Variants in KIFAP3 observed in about 807,000 individuals in gnomAD.
KIFAP3 encodes kinesin associated protein 3.
In KIFAP3, 68 loss-of-function variants were observed where a neutral mutation model predicts 106.5. The observed-to-expected ratio is 0.64, with a 90% CI of 0.53 to 0.78. KIFAP3 has a LOEUF of 0.78. Ranked by LOEUF, KIFAP3 falls within the 30% of genes least tolerant of loss-of-function variation. KIFAP3 has a pLI of 0.00. For synonymous variants in KIFAP3, 320 were observed against 311.5 expected (o/e 1.03, Z -0.29); for missense variants, 780 against 941.8 (o/e 0.83, Z 2.25).
At chr1:170,060,372 C>T (rs1456077758) in intron 1 of KIFAP3, among the ~76,000 whole-genome samples, 1 of 152,144 alleles carries the variant, frequency 6.6e-6, no homozygotes, top group African/African-American at 2.4e-5. Flanking sequence ...CAATAACAGA[C>T]AAACAGAGAG....
intron 18 of KIFAP3, among the ~76,000 whole-genome samples, chr1:169,960,680 AATG>A (rs1665278084): frequency 6.6e-6 from 1 of 152,182 alleles, no homozygotes; most frequent in Admixed American, 6.6e-5. Flanking sequence ...TTGGAAAACA[AATG>A]ATGAATAAAT....
chr1:170,009,196 A>G (rs1668121631), intron 10 of KIFAP3, among the ~76,000 whole-genome samples: 1 of 152,140 alleles, frequency 6.6e-6, no homozygotes, highest in African/African-American at 2.4e-5. Flanking sequence ...TGGCACATGT[A>G]TACCTATGTA....
chr1:170,003,992 G>A (rs562707131), intron 10 of KIFAP3, among the ~76,000 whole-genome samples: 5 of 152,122 alleles, frequency 3.3e-5, no homozygotes, highest in Admixed American at 2.0e-4. Context: ...TCCTTAAGCT[G>A]ATAAGCAACT....
chr1:170,039,362 T>TCTAGGTAACTCTGGG, intron 3 of KIFAP3, 74 bp from the exon 4 acceptor site: 1 of 758,190 alleles, frequency 1.3e-6, no homozygotes, highest in Non-Finnish European at 2.2e-6. Context: ...TTTCAGCAGC[T>TCTAGGTAACTCTGGG]GAGTTTAACT....
intron 8 of KIFAP3, among the ~76,000 whole-genome samples, chr1:170,031,356 A>G (rs1431560501): frequency 6.6e-6 from 1 of 151,776 alleles, no homozygotes; most frequent in Non-Finnish European, 1.5e-5. Context: ...CAAATAGTCA[A>G]GTATAAATCC....
intron 10 of KIFAP3, among the ~76,000 whole-genome samples, chr1:170,002,235 C>G (rs1259441544): frequency 6.6e-6 from 1 of 152,076 alleles, no homozygotes; most frequent in Non-Finnish European, 1.5e-5. Context: ...TGCCCCAAAC[C>G]CATATTACCT....
intron 19 of KIFAP3, among the ~76,000 whole-genome samples, chr1:169,924,741 C>T (rs1027596082): frequency 1.3e-5 from 2 of 152,192 alleles, no homozygotes; most frequent in African/African-American, 4.8e-5. Flanking sequence ...GAAAAGGATA[C>T]AGCCTTGCTA....
chr1:170,073,707 C>CTT (rs533948925), intron 1 of KIFAP3, among the ~76,000 whole-genome samples: 2 of 146,952 alleles, frequency 1.4e-5, no homozygotes, highest in African/African-American at 5.0e-5. Context: ...TGGGAGGTAT[C>CTT]TTTTTTTTTT....
intron 9 of KIFAP3, among the ~76,000 whole-genome samples, chr1:170,022,194 C>T (rs1210619996): frequency 6.6e-6 from 1 of 151,946 alleles, no homozygotes; most frequent in Non-Finnish European, 1.5e-5. Flanking sequence ...GATGATCGAT[C>T]TGCCTTGGCC....
chr1:170,035,486 T>C lies in KIFAP3; in HGVS notation c.585A>G (p.Thr195=). ...AACAAAAAAAGATGTAAATTATGTT[T>C]GTAGCTAACTCGACACTTTGCTTCC... ...EDWKQSVELA[T]NIIYIFFCFS... The change falls in exon 6 of 20, where the codon ACA becomes ACG. Residue 195 remains threonine (T), a synonymous_variant. Transcript: ENST00000361580. 6.2e-7 allele frequency: 1 copy of C among 1,609,552 alleles called. No individual in the cohort carries two copies. The highest frequency in any genetic ancestry group is 1.3e-5 in the African/African-American group (1 of 74,758).
In KIFAP3 at chr1:169,939,286, T is replaced by G. The variant is rs116587625; in HGVS notation, c.2273+14725A>C. Reference sequence around the variant, plus strand: ...GAAATGAAATGAAAACAACAGGGCATGCAGATGGTTTGCAGTGGAGAGAGA... The same window carrying G: ...GAAATGAAATGAAAACAACAGGGCAGGCAGATGGTTTGCAGTGGAGAGAGA... On this transcript the variant is annotated intron_variant, in intron 19 of 19. Coordinates refer to ENST00000361580, the MANE Select transcript of KIFAP3 (RefSeq NM_014970.4). Among the ~76,000 whole-genome samples, 1,035 of 152,240 alleles carry G rather than the reference T, an allele frequency of 6.8e-3. 12 individuals are homozygous for G. Among genetic ancestry groups the G allele is most frequent in the African/African-American group, 0.024 (983 of 41,564 alleles).
At position 169,980,373 on chromosome 1, in the gene KIFAP3, T is replaced by C. The variant is rs372179004; in HGVS notation, c.1798+1599A>G. 5.9e-5 allele frequency among the ~76,000 whole-genome samples: 9 copies of C among 152,280 alleles called. No homozygotes were observed. In the East Asian group the frequency reaches 1.7e-3, roughly 29 times the overall value. On this transcript the variant is annotated intron_variant, in intron 15 of 19. Transcript: ENST00000361580. ...ATTAGCATTTTTAACTTCTATACTA[T>C]TCGCTAGTTATGATGTGTAAGATCC...
chr1:169,978,214 A>C, intron 15 of KIFAP3, 31 bp from the exon 16 acceptor site: 1 of 1,390,848 alleles, frequency 7.2e-7, no homozygotes, highest in Non-Finnish European at 1.0e-6. Flanking sequence ...CAAATAAAGA[A>C]TACTATGTTT....
In KIFAP3 at chr1:169,945,182, C is replaced by T. The variant is rs371560164; in HGVS notation, c.2273+8829G>A. ...TGGTGTGTCAGTACCGCCCCAAGTG[C>T]AGGCACACCCAGCCAGGTCATGACA... On this transcript the variant is annotated intron_variant, in intron 19 of 19. Transcript: ENST00000361580. Among the ~76,000 whole-genome samples the T allele has an allele frequency of 3.0e-4, 46 of 152,224 alleles. No homozygotes were observed. In the East Asian group the frequency reaches 8.5e-3, roughly 28 times the overall value.
rs200643889 is a variant in KIFAP3 at position 169,954,075 on chromosome 1, C to G, written c.2209G>C (p.Asp737His). The change falls in exon 19 of 20, where the codon GAT becomes CAT. Residue 737 changes from aspartate to histidine, a missense_variant. By Grantham distance (81) the Asp-to-His change is moderately conservative. Transcript: ENST00000361580. ...TGAAGGTGGTAATCATTGAAGAAAT[C>G]GGGACTTATGGCTCCTTCAGAGGCA... ...LIASEGAISP[D>H]FFNDYHLQNG... 6.2e-7 allele frequency: 1 copy of G among 1,612,778 alleles called. No individual in the cohort carries two copies. The highest frequency in any genetic ancestry group is 2.2e-5 in the East Asian group (1 of 44,830).
chr1:170,042,370 G>C (rs1670024198), intron 3 of KIFAP3, among the ~76,000 whole-genome samples: 1 of 152,098 alleles, frequency 6.6e-6, no homozygotes, highest in Non-Finnish European at 1.5e-5. Flanking sequence ...CTGGCAACAG[G>C]GTAGTAAGAA....
intron 10 of KIFAP3, among the ~76,000 whole-genome samples, chr1:170,004,781 C>T (rs1667856845): frequency 1.3e-5 from 2 of 151,016 alleles, no homozygotes; most frequent in Admixed American, 1.3e-4. Context: ...CAATACCATT[C>T]AGGACATAGG....
intron 8 of KIFAP3, among the ~76,000 whole-genome samples, chr1:170,029,318 A>T (rs1196890089): frequency 6.6e-6 from 1 of 152,128 alleles, no homozygotes; most frequent in Admixed American, 6.5e-5. Context: ...CTCTCTCAAT[A>T]ATAGAAAAAG....
intron 1 of KIFAP3, among the ~76,000 whole-genome samples, chr1:170,069,625 T>A (rs920456367): frequency 7.2e-5 from 11 of 152,112 alleles, no homozygotes. Flanking sequence ...CTTTTCATGA[T>A]AAAAGTACTT....
Sources: allele counts gnomAD v4.1 joint callset (sites outside exome capture counted in the v4.1 genomes callset), GRCh38; gene constraint gnomAD v4.1.1; transcripts MANE v1.5; gene names NCBI Gene and HGNC (gene_info 2026-07-23, HGNC 2026-07-21).